Variants in CUX2 observed in about 807,000 individuals in gnomAD.
CUX2 encodes the protein cut like homeobox 2, also known as homeobox protein cut-like 2.
In CUX2, 40 loss-of-function variants were observed where a neutral mutation model predicts 144.8. The observed-to-expected ratio is 0.28, with a 90% CI of 0.21 to 0.36. The LOEUF is 0.36. Ranked by LOEUF, CUX2 falls within the 10% of genes least tolerant of loss-of-function variation. CUX2 has a pLI of 1.00. For synonymous variants in CUX2, 827 were observed against 875.6 expected, an observed-to-expected ratio of 0.94 and a Z score of 0.98; for missense variants, 1,615 against 1,994.0, an observed-to-expected ratio of 0.81 and a Z score of 3.62.
rs745631840 is a variant in CUX2, at chr12:111,348,055, G to A, written c.4191G>A (p.Ser1397=). 2.2e-5 allele frequency: 36 copies of A among 1,613,824 alleles called. No individual in the cohort carries two copies. The East Asian group carries it at 3.1e-4, about 14-fold the overall frequency. Residue 1397 remains serine, a synonymous_variant, in exon 22 of 22, where the codon TCG becomes TCA. Transcript: ENST00000261726. The stretch of plus-strand genomic sequence containing the variant: ...GCAGCCTGGAGGTGTCACTGAACTC[G>A]CCCTCGGCCGCCTCCTCACCAGGCC... ...SRCSLEVSLN[S]PSAASSPGLM...
rs1030088657 is a variant in CUX2 at position 111,322,410 on chromosome 12, G to T, written c.2767-11G>T. 12 of 1,486,602 alleles carry T rather than the reference G, an allele frequency of 8.1e-6. No individual in the cohort carries two copies. Among genetic ancestry groups the T allele is most frequent in the Middle Eastern group, 2.2e-4 (1 of 4,554 alleles). 92.1% of individuals were successfully genotyped at this position (1,486,602 alleles called of 1,614,324 possible). A position where few individuals can be genotyped will look rare whatever the true frequency, so the allele number is the denominator to read the frequency against. Reference sequence around the variant, plus strand: ...GCCTGCTGACCTACCCCCCTGGCCCGCCCCTCGCAGGTGCTGGGCCTGTCA... The same window carrying T: ...GCCTGCTGACCTACCCCCCTGGCCCTCCCCTCGCAGGTGCTGGGCCTGTCA... On this transcript the variant is annotated splice_polypyrimidine_tract_variant and intron_variant, in intron 17 of 21. Transcript: ENST00000261726. The surrounding 1 kb of genome is among the most constrained non-coding windows in gnomAD (Gnocchi z 4.2).
intron 3 of CUX2, among the ~76,000 whole-genome samples, chr12:111,238,556 G>A (rs897080323): frequency 3.9e-5 from 6 of 152,208 alleles, no homozygotes; most frequent in Admixed American, 1.3e-4. Flanking sequence ...ACAGCTGGTG[G>A]CATGTGGCAG....
At chr12:111,078,015 G>A (rs1391475818) in intron 1 of CUX2, among the ~76,000 whole-genome samples, 2 of 152,200 alleles carry the variant, frequency 1.3e-5, no homozygotes, top group Non-Finnish European at 2.9e-5. Context: ...TCAGCTCTGG[G>A]GGTACCTGGG....
chr12:111,266,698 A>G (rs12311336), intron 4 of CUX2, among the ~76,000 whole-genome samples: 1 of 152,124 alleles, frequency 6.6e-6, no homozygotes, highest in African/African-American at 2.4e-5. Context: ...CCAGAACTAC[A>G]AGACAATAAG....
chr12:111,135,263 T>C (rs1875797566), intron 1 of CUX2, among the ~76,000 whole-genome samples: 1 of 152,010 alleles, frequency 6.6e-6, no homozygotes, highest in Non-Finnish European at 1.5e-5. Context: ...GTAGAGCTCA[T>C]GCAGTTTTAA....
intron 1 of CUX2, among the ~76,000 whole-genome samples, chr12:111,112,570 T>TG (rs1040485868): frequency 1.5e-4 from 23 of 151,262 alleles, no homozygotes; most frequent in African/African-American, 5.6e-4. Flanking sequence ...CAGGGGGACG[T>TG]GGGGGGAACT....
At chr12:111,238,717 T>TACAC (rs111368535) in intron 3 of CUX2, among the ~76,000 whole-genome samples, 1 of 152,004 alleles carries the variant, frequency 6.6e-6, no homozygotes, top group African/African-American at 2.4e-5. Context: ...TACATCCACA[T>TACAC]ACACACACAC....
intron 1 of CUX2, among the ~76,000 whole-genome samples, chr12:111,105,864 CTTTTT>C (rs1198818010): frequency 7.6e-6 from 1 of 132,356 alleles, no homozygotes; most frequent in African/African-American, 2.8e-5. Flanking sequence ...AATAATGAGT[CTTTTT>C]TTTTTTTTTT....
intron 1 of CUX2, among the ~76,000 whole-genome samples, chr12:111,189,879 GGGA>G (rs900446350): frequency 7.2e-5 from 11 of 152,224 alleles, no homozygotes; most frequent in Middle Eastern, 3.4e-3. Context: ...CTGGAGCACG[GGGA>G]GGCATATGTT....
intron 1 of CUX2, among the ~76,000 whole-genome samples, chr12:111,166,181 A>G (rs1399367311): frequency 1.3e-5 from 2 of 152,076 alleles, no homozygotes; most frequent in African/African-American, 4.8e-5. Context: ...ATCACACCTG[A>G]CTAACTTTTT....
intron 21 of CUX2, among the ~76,000 whole-genome samples, chr12:111,344,469 C>T (rs1052833381): frequency 6.6e-6 from 1 of 152,180 alleles, no homozygotes; most frequent in Admixed American, 6.5e-5. Context: ...GAGAATTCCA[C>T]TCTCAAAAGA....
In CUX2 at chr12:111,160,322, T is replaced by C. The variant is rs895918229; in HGVS notation, c.64-53878T>C. On this transcript the variant is annotated intron_variant, in intron 1 of 21. Transcript: ENST00000261726. The surrounding 1 kb of genome is among the most constrained non-coding windows in gnomAD (Gnocchi z 4.1). ...GCTGAGGAATCAGACCAGTCAGAGATAGGTGTGTCTGGCCTGTGTGTGCAG... is the reference window on the plus strand; with the variant it reads ...GCTGAGGAATCAGACCAGTCAGAGACAGGTGTGTCTGGCCTGTGTGTGCAG... 6.6e-6 allele frequency among the ~76,000 whole-genome samples: 1 copy of C among 152,094 alleles called. No homozygotes were observed. The highest frequency in any genetic ancestry group is 6.6e-5 in the Admixed American group (1 of 15,264).
intron 1 of CUX2, among the ~76,000 whole-genome samples, chr12:111,055,360 T>C (rs1208433101): frequency 6.6e-6 from 1 of 152,202 alleles, no homozygotes; most frequent in African/African-American, 2.4e-5. Context: ...CTTCCTATCC[T>C]GGGGTAGCTG....
intron 4 of CUX2, among the ~76,000 whole-genome samples, chr12:111,280,441 G>C (rs939792287): frequency 9.2e-5 from 14 of 152,176 alleles, no homozygotes; most frequent in Admixed American, 3.9e-4. Context: ...TAGAGCCTTG[G>C]AGAGAGCATG....
chr12:111,342,995 T>C (rs1308191103), intron 21 of CUX2, among the ~76,000 whole-genome samples: 1 of 149,002 alleles, frequency 6.7e-6, no homozygotes, highest in Non-Finnish European at 1.5e-5. Context: ...GCACATAGTA[T>C]GTGGTGGGTA....
chr12:111,237,063 C>T (rs140548099), intron 3 of CUX2, among the ~76,000 whole-genome samples: 3,039 of 152,238 alleles, frequency 0.02, 100 homozygotes, highest in African/African-American at 0.068. Context: ...GTAGGAGGAT[C>T]GCTTGAGCCT....
intron 3 of CUX2, among the ~76,000 whole-genome samples, chr12:111,227,985 CACGTT>C (rs1882249299): frequency 6.6e-6 from 1 of 152,186 alleles, no homozygotes. Context: ...CAGCGGCAAT[CACGTT>C]ACGGTTGAGT....
chr12:111,282,445 G>A (rs1185223093), intron 4 of CUX2, among the ~76,000 whole-genome samples: 1 of 151,898 alleles, frequency 6.6e-6, no homozygotes, highest in Non-Finnish European at 1.5e-5. Context: ...TGACCAATAT[G>A]GTGAAACCCC....
rs1008899497 is a variant in CUX2, at chr12:111,345,361, T to G, written c.3660-2163T>G. ...CCGAGGCTGAGTCAGGAGAATCACTTGAACCCAGGAGGCGGAGGTTGCAGT... is the reference window on the plus strand; with the variant it reads ...CCGAGGCTGAGTCAGGAGAATCACTGGAACCCAGGAGGCGGAGGTTGCAGT... On this transcript the variant is annotated intron_variant, in intron 21 of 21. Transcript: ENST00000261726. Among the ~76,000 whole-genome samples, 39 of 149,756 alleles carry G rather than the reference T, an allele frequency of 2.6e-4. No homozygotes were observed. The East Asian group carries it at 6.9e-3, about 27-fold the overall frequency.
Sources: allele counts gnomAD v4.1 joint callset (sites outside exome capture counted in the v4.1 genomes callset), GRCh38; gene constraint gnomAD v4.1.1; non-coding constraint Gnocchi (gnomAD v3.1); transcripts MANE v1.5; gene names NCBI Gene and HGNC (gene_info 2026-07-23, HGNC 2026-07-21).